KCNMA1: variants seen among roughly 807,000 people sequenced by gnomAD.
KCNMA1 encodes the protein potassium calcium-activated channel subfamily M alpha 1, also known as Calcium-activated potassium channel subunit alpha-1.
In KCNMA1, 29 loss-of-function variants were observed where a neutral mutation model predicts 140.0. The ratio of observed to expected loss-of-function variants is 0.21; its 90% confidence interval spans 0.15 to 0.28. KCNMA1 has a LOEUF of 0.28. Among genes scored for constraint, KCNMA1 ranks in the 10% least tolerant of loss-of-function variants. The pLI, the probability that KCNMA1 is intolerant of heterozygous loss-of-function variation, is 1.00. For synonymous variants in KCNMA1, 612 were observed against 611.9 expected (o/e 1.00, Z 0.00); for missense variants, 880 against 1,602.2 (o/e 0.55, Z 7.70).
At chr10:77,506,596 A>AGAGAGAGAGAGAGAGAGAGTGTGTGTGT in intron 1 of KCNMA1, among the ~76,000 whole-genome samples, 4 of 83,530 alleles carry the variant, frequency 4.8e-5, no homozygotes, top group African/African-American at 3.0e-4. Context: ...AGAGAGAGAG[A>AGAGAGAGAGAGAGAGAGAGTGTGTGTGT]GTGTGTGTGT....
downstream of KCNMA1, among the ~76,000 whole-genome samples, chr10:76,882,584 T>TA (rs2035107681): frequency 6.6e-6 from 1 of 152,206 alleles, no homozygotes; most frequent in African/African-American, 2.4e-5. Flanking sequence ...CAAAAGCAAT[T>TA]ACCGTTTATG....
chr10:77,252,755 A>G (rs1189025820), intron 2 of KCNMA1, among the ~76,000 whole-genome samples: 1 of 152,158 alleles, frequency 6.6e-6, no homozygotes, highest in Non-Finnish European at 1.5e-5. Context: ...CAGCCCAGAA[A>G]ATGACCATTA....
Position 77,637,448 on chromosome 10 carries a change from C to G in KCNMA1, c.195G>C (p.Lys65Asn), listed in dbSNP as rs1301827200. 6.2e-7 allele frequency: 1 copy of G among 1,613,284 alleles called. No individual in the cohort carries two copies. Residue 65 changes from lysine to asparagine, a missense_variant, in exon 1 of 28, where the codon AAG becomes AAC. Around this residue, in one of 13 missense-constraint regions of KCNMA1, gnomAD observed 94 missense variants for 92.4 expected, o/e 1.02. Transcript: ENST00000286628. ...TCACCGGGATGATGAGCGCATCCAT[C>G]TTGGGCTCGTGGACCGAGGACGAGG... ...SSSSSSVHEP[K>N]MDALIIPVTM...
intron 3 of KCNMA1, among the ~76,000 whole-genome samples, chr10:77,224,097 T>C (rs1017622117): frequency 2.0e-5 from 3 of 152,160 alleles, no homozygotes; most frequent in African/African-American, 7.2e-5. Context: ...CTTTGCCATA[T>C]TTGCTCCCTA....
intron 5 of KCNMA1, among the ~76,000 whole-genome samples, chr10:77,171,709 C>T (rs765491784): frequency 5.3e-5 from 8 of 152,098 alleles, no homozygotes; most frequent in Admixed American, 2.0e-4. Flanking sequence ...ACAGATTCCT[C>T]AGCCCTACCT....
rs2085416809 is a variant in KCNMA1 at position 77,608,523 on chromosome 10, G to A, written c.378+28742C>T. ...GCCTTCCCTGAGCCCCGGCCAAGGA[G>A]AGGATGCACCCCCACACACACACGC... On this transcript the variant is annotated intron_variant, in intron 1 of 27. Transcript: ENST00000286628. Among the ~76,000 whole-genome samples, 3 of 152,098 alleles carry A rather than the reference G, an allele frequency of 2.0e-5. 1 individual carries two copies. Among genetic ancestry groups the A allele is most frequent in the South Asian group, 4.1e-4 (2 of 4,824 alleles).
chr10:77,595,204 G>A (rs539100790), intron 1 of KCNMA1, among the ~76,000 whole-genome samples: 6 of 152,044 alleles, frequency 3.9e-5, no homozygotes, highest in South Asian at 4.2e-4. Flanking sequence ...AAAATTAGCC[G>A]GGCATGGTGG....
intron 19 of KCNMA1, among the ~76,000 whole-genome samples, chr10:76,996,812 G>C (rs1156330773): frequency 6.6e-6 from 1 of 152,114 alleles, no homozygotes; most frequent in Non-Finnish European, 1.5e-5. Context: ...TGATTTTAGG[G>C]CCCAGAAGTA....
chr10:76,975,060 G>A (rs965716094), intron 19 of KCNMA1, among the ~76,000 whole-genome samples: 1 of 152,202 alleles, frequency 6.6e-6, no homozygotes, highest in East Asian at 1.9e-4. Flanking sequence ...ATTAAATGCC[G>A]TGAGTTTGCC....
intron 2 of KCNMA1, among the ~76,000 whole-genome samples, chr10:77,358,197 G>C (rs1037762096): frequency 2.6e-5 from 4 of 152,038 alleles, no homozygotes. Flanking sequence ...CCACAGAACT[G>C]GTCCTCTCTC....
chr10:77,287,298 C>T (rs1322233984), intron 2 of KCNMA1, among the ~76,000 whole-genome samples: 3 of 152,196 alleles, frequency 2.0e-5, no homozygotes, highest in Non-Finnish European at 4.4e-5. Context: ...ATGGATAATT[C>T]AGAAGCAGTA....
intron 1 of KCNMA1, among the ~76,000 whole-genome samples, chr10:77,564,017 T>C (rs1045511459): frequency 3.9e-5 from 6 of 152,224 alleles, no homozygotes; most frequent in Non-Finnish European, 8.8e-5. Flanking sequence ...TCAATATAAA[T>C]GTACCTCCTT....
chr10:76,998,277 A>G (rs1035643154), intron 19 of KCNMA1, among the ~76,000 whole-genome samples: 1 of 152,138 alleles, frequency 6.6e-6, no homozygotes, highest in Non-Finnish European at 1.5e-5. Flanking sequence ...AAAACACATA[A>G]TGGGACTTTG....
intron 24 of KCNMA1, chr10:76,913,948 G>T: frequency 1.3e-6 from 1 of 788,864 alleles, no homozygotes. Flanking sequence ...GTGCCATGGG[G>T]TAGCCTTTCT....
intron 20 of KCNMA1, among the ~76,000 whole-genome samples, chr10:76,969,556 T>G (rs958188101): frequency 6.6e-6 from 1 of 152,174 alleles, no homozygotes; most frequent in Non-Finnish European, 1.5e-5. Flanking sequence ...ATCTCACATA[T>G]GGCCTTAAGT....
chr10:77,314,355 A>G (rs781353971), intron 2 of KCNMA1, among the ~76,000 whole-genome samples: 8 of 152,194 alleles, frequency 5.3e-5, no homozygotes, highest in Non-Finnish European at 1.2e-4. Context: ...GGCTGCAGGA[A>G]TTAGGGCAAA....
chr10:76,936,433 T>C (rs537168266), intron 23 of KCNMA1, among the ~76,000 whole-genome samples: 10 of 152,338 alleles, frequency 6.6e-5, no homozygotes, highest in Non-Finnish European at 1.3e-4. Context: ...TTAAGTATAA[T>C]TGTCTTTCTG....
At chr10:77,298,282 G>C (rs1265538205) in intron 2 of KCNMA1, among the ~76,000 whole-genome samples, 3 of 152,022 alleles carry the variant, frequency 2.0e-5, no homozygotes, top group Non-Finnish European at 4.4e-5. Flanking sequence ...CACTCTCAAC[G>C]CCCAGGCTGG....
intron 1 of KCNMA1, among the ~76,000 whole-genome samples, chr10:77,539,847 ACAGTTG>A (rs1423635037): frequency 6.6e-6 from 1 of 152,196 alleles, no homozygotes; most frequent in African/African-American, 2.4e-5. Context: ...CAGTGGGAAT[ACAGTTG>A]CAGCTACCTG....
Sources: gnomAD v4.1 joint callset for allele counts (sites outside exome capture counted in the v4.1 genomes callset) on GRCh38, gnomAD v4.1.1 for gene constraint, gnomAD v4.1.1 regional missense constraint, MANE v1.5 for transcripts, NCBI Gene and HGNC (gene_info 2026-07-23, HGNC 2026-07-21) for gene names.